Variants in PJA2 observed in about 807,000 individuals in gnomAD.
PJA2 encodes the protein praja ring finger ubiquitin ligase 2.
Under a neutral mutation model 69.3 loss-of-function variants are expected in PJA2, and 25 were observed. The ratio of observed to expected loss-of-function variants is 0.36; its 90% CI spans 0.26 to 0.50. PJA2 has a LOEUF of 0.50. Among genes scored for constraint, PJA2 ranks in the 20% least tolerant of loss-of-function variants. PJA2 has a pLI of 0.96. For synonymous variants in PJA2, 308 were observed against 277.8 expected, an observed-to-expected ratio of 1.11 and a Z score of -1.08; for missense variants, 809 against 830.2, an observed-to-expected ratio of 0.97 and a Z score of 0.31.
chr5:109,357,515 T>C (rs143332336), intron 6 of PJA2, among the ~76,000 whole-genome samples: 2 of 152,310 alleles, frequency 1.3e-5, no homozygotes, highest in Admixed American at 6.5e-5. Context: ...ACCCTTGAAA[T>C]ACTGAAACTC....
At position 109,368,588 on chromosome 5, in the gene PJA2, T is replaced by C. The variant is rs1762623343; in HGVS notation, c.1442A>G (p.Glu481Gly). 6.2e-7 allele frequency: 1 copy of C among 1,613,710 alleles called. No individual in the cohort carries two copies. The highest frequency in any genetic ancestry group is 1.7e-5 in the Admixed American group (1 of 59,908). ...TTCCTGAAGAGATAATTCTTGGTTT[T>C]CTTCTTCAGGGCCACTGCTATCACT... ...LQSDSSGPEE[E>G]NQELSLQEGE... Residue 481 changes from glutamate to glycine, a missense_variant, in exon 5 of 10, where the codon GAA becomes GGA. Glu to Gly is a moderately conservative substitution (Grantham distance 98). Transcript: ENST00000361189.
chr5:109,379,124 T>C lies in PJA2; in HGVS notation c.363A>G (p.Ala121=), dbSNP rs1182011772. 1.9e-6 allele frequency: 3 copies of C among 1,614,050 alleles called. No individual in the cohort carries two copies. Among genetic ancestry groups the C allele is most frequent in the Admixed American group, 1.7e-5 (1 of 60,010 alleles). The change falls in exon 4 of 10, where the codon GCA becomes GCG. Residue 121 remains alanine (A), a synonymous_variant. Transcript: ENST00000361189. ...QTTESSQSFV[A]VHHSEEGRDT... ...CCCTGCCTTCCTCACTGTGATGTAC[T>C]GCAACAAAGGATTGACTGCTCTCAG...
intron 9 of PJA2, among the ~76,000 whole-genome samples, chr5:109,343,327 AAAT>A (rs1762115518): frequency 8.5e-6 from 1 of 117,052 alleles, no homozygotes; most frequent in African/African-American, 3.3e-5. Flanking sequence ...GAAAATATGT[AAAT>A]AAAGAGAGAT....
intron 1 of PJA2, among the ~76,000 whole-genome samples, chr5:109,384,223 T>A (rs552729182): frequency 2.0e-5 from 3 of 152,200 alleles, no homozygotes; most frequent in African/African-American, 4.8e-5. Context: ...AGCCCTGGAA[T>A]TGCTAAAAGG....
intron 5 of PJA2, among the ~76,000 whole-genome samples, chr5:109,363,816 AAGG>A (rs1336602666): frequency 2.6e-5 from 4 of 152,254 alleles, no homozygotes; most frequent in Middle Eastern, 6.8e-3. Context: ...TCAAGAAAAT[AAGG>A]AGGAGATAAA....
At position 109,353,658 on chromosome 5, in the gene PJA2, CTAT is replaced by C. The variant is rs879862833; in HGVS notation, c.1764+2254_1764+2256del. Among the ~76,000 whole-genome samples the C allele has an allele frequency of 6.8e-3, 995 of 145,594 alleles. 5 individuals carry two copies. Among genetic ancestry groups the C allele is most frequent in the Non-Finnish European group, 0.012 (770 of 65,762 alleles). The stretch of plus-strand genomic sequence containing the variant: ...TCATAGATATCTATATATTAGATAC[CTAT>C]TATATCTACAGACATCTATATATTA... On this transcript the variant is annotated intron_variant, in intron 7 of 9. Transcript: ENST00000361189.
At chr5:109,389,695 T>C (rs77779810) in intron 1 of PJA2, among the ~76,000 whole-genome samples, 4,623 of 152,114 alleles carry the variant, frequency 0.03, 93 homozygotes, top group Middle Eastern at 0.048. Context: ...CTTAGACTAC[T>C]GATTGTAAAC....
At chr5:109,379,527 A>G (rs1190758945) in intron 3 of PJA2, among the ~76,000 whole-genome samples, 1 of 152,238 alleles carries the variant, frequency 6.6e-6, no homozygotes, top group African/African-American at 2.4e-5. Flanking sequence ...GCCTTCTGCA[A>G]GACATATAAA....
intron 6 of PJA2, among the ~76,000 whole-genome samples, chr5:109,356,854 C>T (rs1762420340): frequency 6.6e-6 from 1 of 152,044 alleles, no homozygotes; most frequent in Admixed American, 6.6e-5. Flanking sequence ...ATAATTTTCT[C>T]TAAAAAACCA....
intron 7 of PJA2, among the ~76,000 whole-genome samples, chr5:109,350,436 T>G (rs1308080448): frequency 6.6e-6 from 1 of 152,222 alleles, no homozygotes; most frequent in East Asian, 1.9e-4. Flanking sequence ...CATAAAATTT[T>G]GTTCTAAAGA....
intron 2 of PJA2, 131 bp from the exon 3 acceptor site, chr5:109,381,834 T>C (rs1278855560): frequency 1.5e-6 from 1 of 689,546 alleles, no homozygotes; most frequent in East Asian, 2.7e-5. Flanking sequence ...GAAGTGTACC[T>C]TACTAGTACT....
chr5:109,356,673 T>C (rs7737865), intron 6 of PJA2, among the ~76,000 whole-genome samples: 23,406 of 152,094 alleles, frequency 0.15, 2,556 homozygotes, highest in East Asian at 0.36. Context: ...ATTTTAATTC[T>C]ATCATTACTC....
chr5:109,363,704 A>C (rs976669272), intron 5 of PJA2, among the ~76,000 whole-genome samples: 2 of 152,200 alleles, frequency 1.3e-5, no homozygotes, highest in Middle Eastern at 3.2e-3. Flanking sequence ...TTAAACTATA[A>C]AATTTATTTT....
chr5:109,409,912 G>T lies in PJA2; in HGVS notation c.-158C>A. Reference sequence around the variant, plus strand: ...ACCCGCCACCACCGCCTTCTTCTCCGCCTCCAACTCCTCCCCCGCCGAACG... The same window carrying T: ...ACCCGCCACCACCGCCTTCTTCTCCTCCTCCAACTCCTCCCCCGCCGAACG... On this transcript the variant is annotated 5_prime_UTR_variant, in exon 1 of 10. Transcript: ENST00000361189. 5.5e-6 allele frequency: 1 copy of T among 180,896 alleles called. No homozygotes were observed. Among genetic ancestry groups the T allele is most frequent in the South Asian group, 8.8e-5 (1 of 11,400 alleles). 11.2% of individuals were successfully genotyped at this position (180,896 alleles called of 1,614,324 possible).
At chr5:109,345,830 G>A (rs1167631966) in intron 7 of PJA2, among the ~76,000 whole-genome samples, 1 of 152,156 alleles carries the variant, frequency 6.6e-6, no homozygotes, top group Non-Finnish European at 1.5e-5. Flanking sequence ...TCATTTACAG[G>A]TTCAAATATC....
chr5:109,369,769 C>T (rs948254893), intron 4 of PJA2, among the ~76,000 whole-genome samples: 2 of 152,158 alleles, frequency 1.3e-5, no homozygotes, highest in Non-Finnish European at 2.9e-5. Flanking sequence ...TGGTGGCTCA[C>T]ACCTATAAAT....
At chr5:109,368,384 G>A (rs1036905294) in intron 5 of PJA2, among the ~76,000 whole-genome samples, 177 bp downstream of exon 5, 3 of 152,170 alleles carry the variant, frequency 2.0e-5, no homozygotes, top group African/African-American at 7.2e-5. Flanking sequence ...GAAATTATCA[G>A]TATTTTCAAC....
intron 8 of PJA2, 109 bp downstream of exon 8, chr5:109,344,596 A>T (rs2126987247): frequency 1.3e-6 from 1 of 790,416 alleles, no homozygotes; most frequent in South Asian, 2.5e-5. Context: ...CTATAAAAAA[A>T]ATCTAGTGAA....
intron 9 of PJA2, among the ~76,000 whole-genome samples, chr5:109,342,237 C>T (rs1246250701): frequency 0.054 from 848 of 15,650 alleles, 22 homozygotes; most frequent in Admixed American, 0.11. Flanking sequence ...CCGCCCTGTC[C>T]AGGAGGTGAG....
Sources: allele counts gnomAD v4.1 joint callset (sites outside exome capture counted in the v4.1 genomes callset), GRCh38; gene constraint gnomAD v4.1.1; transcripts MANE v1.5; gene names NCBI Gene and HGNC (gene_info 2026-07-23, HGNC 2026-07-21).